TRAF3: variants seen among roughly 807,000 people sequenced by gnomAD.
The protein encoded by TRAF3 is TNF receptor associated factor 3.
TRAF3 carries 13 observed loss-of-function variants against 62.3 expected under a neutral mutation model. The ratio of observed to expected loss-of-function variants is 0.21; its 90% CI spans 0.14 to 0.33. The LOEUF (loss-of-function observed/expected upper bound fraction) is 0.33. TRAF3 is among the 10% of genes least tolerant of loss of function. TRAF3 has a pLI of 1.00. For synonymous variants in TRAF3, 269 were observed against 283.4 expected (o/e 0.95, Z 0.51); for missense variants, 440 against 741.8 (o/e 0.59, Z 4.73).
intron 1 of TRAF3, among the ~76,000 whole-genome samples, chr14:102,795,910 A>C (rs1898058743): frequency 6.6e-6 from 1 of 152,280 alleles, no homozygotes; most frequent in South Asian, 2.1e-4. Flanking sequence ...CTGTGTAATG[A>C]AGCCACCATA....
At position 102,862,569 on chromosome 14, in the gene TRAF3, G is replaced by C. The variant is rs150092855; in HGVS notation, c.-17-7616G>C. On this transcript the variant is annotated intron_variant, in intron 2 of 11. Transcript: ENST00000392745. ...CTCTCTTGCTGCTTTCTACAGTTTG[G>C]CTACAGTGTGTCTGGGTGTGGCTCT... Among the ~76,000 whole-genome samples the C allele has an allele frequency of 3.6e-3, 555 of 152,184 alleles. 4 individuals are homozygous for C. Among genetic ancestry groups the C allele is most frequent in the African/African-American group, 0.012 (509 of 41,512 alleles).
intron 1 of TRAF3, among the ~76,000 whole-genome samples, chr14:102,823,509 GGA>G (rs1013577642): frequency 2.0e-5 from 3 of 152,154 alleles, no homozygotes; most frequent in African/African-American, 7.2e-5. Context: ...TTTAGATTTG[GGA>G]GAGGGGGAGT....
chr14:102,901,724 A>G (rs1435696623), intron 10 of TRAF3, among the ~76,000 whole-genome samples: 1 of 152,380 alleles, frequency 6.6e-6, no homozygotes, highest in Non-Finnish European at 1.5e-5. Context: ...AACAGGAAGA[A>G]TAACACTGCT....
At chr14:102,845,001 C>T (rs1053104364) in intron 2 of TRAF3, among the ~76,000 whole-genome samples, 3 of 146,856 alleles carry the variant, frequency 2.0e-5, no homozygotes, top group Non-Finnish European at 4.5e-5. Context: ...GGGTTCACAC[C>T]ATTCTCCTGC....
chr14:102,891,443 A>ATGGG (rs1254527619), intron 9 of TRAF3, 26 bp downstream of exon 9: 20 of 1,594,598 alleles, frequency 1.3e-5, no homozygotes, highest in Non-Finnish European at 1.5e-5. Context: ...TCCTGCTGCT[A>ATGGG]TGGGATTTGT....
chr14:102,829,061 T>A lies in TRAF3; in HGVS notation c.-156-1273T>A, dbSNP rs186144786. Among the ~76,000 whole-genome samples, 133 of 152,350 alleles carry A rather than the reference T, an allele frequency of 8.7e-4. 4 individuals are homozygous for A. The highest frequency in any genetic ancestry group is 8.5e-3 in the Admixed American group (130 of 15,306). On this transcript the variant is annotated intron_variant, in intron 1 of 11. Transcript: ENST00000392745. ...TCCGTGGGGTGAGCTGGGTGCTACC[T>A]CCAGCTGCTGCTCTTCGTTTATCTT...
intron 2 of TRAF3, among the ~76,000 whole-genome samples, chr14:102,848,255 A>C (rs1044123662): frequency 3.4e-4 from 51 of 152,184 alleles, no homozygotes; most frequent in African/African-American, 1.2e-3. Context: ...AACACAGTGA[A>C]ACTCTGTCTA....
At chr14:102,815,082 G>A (rs186244184) in intron 1 of TRAF3, among the ~76,000 whole-genome samples, 49 of 152,166 alleles carry the variant, frequency 3.2e-4, no homozygotes, top group African/African-American at 1.2e-3. Context: ...GCTACAGGCG[G>A]TACCATTATG....
At chr14:102,822,779 G>A (rs1248288259) in intron 1 of TRAF3, among the ~76,000 whole-genome samples, 1 of 152,236 alleles carries the variant, frequency 6.6e-6, no homozygotes, top group East Asian at 1.9e-4. Context: ...GTGAAGGCGG[G>A]TGGATCACCT....
chr14:102,832,282 G>T (rs1056222382), intron 2 of TRAF3, among the ~76,000 whole-genome samples: 1 of 152,082 alleles, frequency 6.6e-6, no homozygotes, highest in Non-Finnish European at 1.5e-5. Context: ...TTTCAGAAAA[G>T]ACGTCTACTT....
intron 10 of TRAF3, among the ~76,000 whole-genome samples, chr14:102,899,748 G>A (rs1396280752): frequency 6.6e-6 from 1 of 152,184 alleles, no homozygotes; most frequent in Non-Finnish European, 1.5e-5. Flanking sequence ...CAGAGGGCCC[G>A]ATGGCCTGGC....
rs56998347 is a variant in TRAF3 at position 102,839,210 on chromosome 14, CTTTT to C, written c.-18+8763_-18+8766del. Among the ~76,000 whole-genome samples, 472 of 89,764 alleles carry C rather than the reference CTTTT, an allele frequency of 5.3e-3. 1 individual carries two copies. The highest frequency in any genetic ancestry group is 0.02 in the African/African-American group (450 of 22,530). 58.9% of individuals were successfully genotyped at this position (89,764 alleles called of 152,430 possible). ...GAGAGATGCTTATTGGTTGATTTGC[CTTTT>C]TTTTTTTTTTTTTTTTTTTTTTTTG... On this transcript the variant is annotated intron_variant, in intron 2 of 11. Coordinates refer to ENST00000392745, the MANE Select transcript of TRAF3 (RefSeq NM_145725.3).
rs1897584430 is a variant in TRAF3, at chr14:102,787,858, T to C, written c.-157+10183T>C. Among the ~76,000 whole-genome samples, 3 of 142,192 alleles carry C rather than the reference T, an allele frequency of 2.1e-5. No individual in the cohort carries two copies. The South Asian group carries it at 6.7e-4, about 32-fold the overall frequency. 93.3% of individuals were successfully genotyped at this position (142,192 alleles called of 152,430 possible). A position where few individuals can be genotyped will look rare whatever the true frequency, so the allele number is the denominator to read the frequency against. ...GAAAATGGTTTTCCTTTCCTTTTTC[T>C]TTTTTTTTTTTTTGAGATGGAGTCT... On this transcript the variant is annotated intron_variant, in intron 1 of 11. Transcript: ENST00000392745.
chr14:102,847,406 C>G (rs548215901), intron 2 of TRAF3, among the ~76,000 whole-genome samples: 9 of 152,254 alleles, frequency 5.9e-5, no homozygotes, highest in African/African-American at 2.2e-4. Context: ...AACTCCTGAC[C>G]TCAGGCAATC....
chr14:102,872,390 G>A (rs750985430), intron 4 of TRAF3, among the ~76,000 whole-genome samples: 1 of 152,158 alleles, frequency 6.6e-6, no homozygotes, highest in South Asian at 2.1e-4. Context: ...CTTCAGACTC[G>A]CTAGGCTGAG....
At chr14:102,864,350 G>A (rs1291418177) in intron 2 of TRAF3, among the ~76,000 whole-genome samples, 2 of 151,848 alleles carry the variant, frequency 1.3e-5, no homozygotes, top group African/African-American at 4.8e-5. Flanking sequence ...GGGTTTCACC[G>A]TGTTAGCCGG....
chr14:102,877,894 C>G (rs919123678), intron 6 of TRAF3, among the ~76,000 whole-genome samples: 3 of 152,226 alleles, frequency 2.0e-5, no homozygotes, highest in African/African-American at 7.2e-5. Context: ...CATAAATAAT[C>G]CATTCCACAG....
chr14:102,784,398 T>C (rs1486081749), intron 1 of TRAF3, among the ~76,000 whole-genome samples: 1 of 152,038 alleles, frequency 6.6e-6, no homozygotes, highest in Non-Finnish European at 1.5e-5. Flanking sequence ...AATTTTTGTA[T>C]TTTTAGTAGA....
intron 1 of TRAF3, among the ~76,000 whole-genome samples, chr14:102,802,043 G>A (rs1271935855): frequency 7.2e-6 from 1 of 139,076 alleles, no homozygotes; most frequent in Non-Finnish European, 1.6e-5. Context: ...TTTTTTTTTT[G>A]AGACGGAGTC....
Sources: allele counts gnomAD v4.1 joint callset (sites outside exome capture counted in the v4.1 genomes callset), GRCh38; gene constraint gnomAD v4.1.1; transcripts MANE v1.5; gene names NCBI Gene and HGNC (gene_info 2026-07-23, HGNC 2026-07-21).